Variants in ITFG1 observed in about 807,000 individuals in gnomAD.
The protein encoded by ITFG1 is T-cell immunomodulatory protein.
A neutral mutation model predicts 81.8 loss-of-function variants in ITFG1; 34 were observed. The ratio of observed to expected loss-of-function variants is 0.42; its 90% CI spans 0.32 to 0.55. The LOEUF (loss-of-function observed/expected upper bound fraction) is 0.55. Ranked by LOEUF, ITFG1 falls within the 20% of genes least tolerant of loss-of-function variation. The pLI is 0.17. For missense variants in ITFG1, 672 were observed against 755.4 expected (o/e 0.89, Z 1.29); for synonymous variants, 285 against 270.6 (o/e 1.05, Z -0.52).
chr16:47,185,810 T>C (rs1965203348), intron 14 of ITFG1, among the ~76,000 whole-genome samples: 1 of 152,142 alleles, frequency 6.6e-6, no homozygotes, highest in Non-Finnish European at 1.5e-5. Context: ...AAAAAATTAA[T>C]GAATCCAGAA....
intron 10 of ITFG1, among the ~76,000 whole-genome samples, chr16:47,310,658 T>C (rs1967243690): frequency 6.6e-6 from 1 of 152,228 alleles, no homozygotes; most frequent in African/African-American, 2.4e-5. Context: ...TGGTGGAATT[T>C]CCAGTGTCAT....
chr16:47,191,508 A>C (rs1410970254), intron 14 of ITFG1, among the ~76,000 whole-genome samples: 1 of 152,010 alleles, frequency 6.6e-6, no homozygotes, highest in Admixed American at 6.6e-5. Flanking sequence ...AAAAGATTGG[A>C]CATGCCTGTA....
chr16:47,461,046 G>A lies in ITFG1; in HGVS notation c.-1C>T, dbSNP rs1014054703. 1.5e-5 allele frequency: 23 copies of A among 1,538,178 alleles called. No homozygotes were observed. The highest frequency in any genetic ancestry group is 1.9e-5 in the Non-Finnish European group (22 of 1,144,986). On this transcript the variant is annotated 5_prime_UTR_variant, in exon 1 of 18. Transcript: ENST00000320640. Reference sequence around the variant, plus strand: ...TCGGGAGCCGGCCCGCCGCCGCCATGGCAGCCCCTCAGCCCCCGCCCGCCG... The same window carrying A: ...TCGGGAGCCGGCCCGCCGCCGCCATAGCAGCCCCTCAGCCCCCGCCCGCCG...
chr16:47,322,144 C>T (rs1321249036), intron 8 of ITFG1, among the ~76,000 whole-genome samples: 1 of 151,930 alleles, frequency 6.6e-6, no homozygotes, highest in Non-Finnish European at 1.5e-5. Context: ...AGTACTAGTG[C>T]CTTAGTGGAA....
Position 47,461,019 on chromosome 16 carries a change from G to C in ITFG1, c.27C>G (p.Ser9Arg). ...GGAGCGGCGAGAAGAGGGCCCAGGA[G>C]CTCGGGAGCCGGCCCGCCGCCGCCA... Reference protein sequence around the residue: MAAAGRLPSSWALFSPLLA... With the variant: MAAAGRLPRSWALFSPLLA... The change falls in exon 1 of 18, where the codon AGC (serine) becomes AGG (arginine). Residue 9 changes from serine (S) to arginine (R), a missense_variant. Coordinates refer to ENST00000320640, the MANE Select transcript of ITFG1 (RefSeq NM_030790.5). The C allele has an allele frequency of 1.3e-6, 2 of 1,547,338 alleles. No homozygotes were observed. Among genetic ancestry groups the C allele is most frequent in the Non-Finnish European group, 1.7e-6 (2 of 1,147,768 alleles).
intron 10 of ITFG1, among the ~76,000 whole-genome samples, chr16:47,286,640 C>CA (rs879832193): frequency 1.7e-3 from 221 of 131,450 alleles, no homozygotes; most frequent in Admixed American, 3.8e-3. Flanking sequence ...AACCCTGCCT[C>CA]AAAAAAAAAA....
At chr16:47,188,181 C>T (rs1261229211) in intron 14 of ITFG1, among the ~76,000 whole-genome samples, 3 of 150,440 alleles carry the variant, frequency 2.0e-5, no homozygotes, top group African/African-American at 7.3e-5. Context: ...TAAACTAGTT[C>T]AACCATTGTG....
At chr16:47,164,348 GA>G (rs1381410420) in intron 14 of ITFG1, among the ~76,000 whole-genome samples, 2 of 152,106 alleles carry the variant, frequency 1.3e-5, no homozygotes, top group East Asian at 3.9e-4. Context: ...TTTGTTGTAA[GA>G]TTTCCCTAAA....
intron 10 of ITFG1, among the ~76,000 whole-genome samples, chr16:47,303,450 A>T (rs763506796): frequency 6.6e-6 from 1 of 152,182 alleles, no homozygotes; most frequent in Non-Finnish European, 1.5e-5. Flanking sequence ...CACATACACA[A>T]CATTGAAAAC....
intron 5 of ITFG1, among the ~76,000 whole-genome samples, chr16:47,443,465 A>G (rs1371299761): frequency 1.3e-5 from 2 of 152,202 alleles, no homozygotes; most frequent in African/African-American, 4.8e-5. Context: ...TTATTGCGAC[A>G]CTATTCACAA....
chr16:47,238,179 C>A, intron 12 of ITFG1, 171 bp from the exon 13 acceptor site: 1 of 513,890 alleles, frequency 1.9e-6, no homozygotes, highest in Non-Finnish European at 3.5e-6. Flanking sequence ...TCACTTTATA[C>A]CAATATTTCA....
intron 10 of ITFG1, among the ~76,000 whole-genome samples, chr16:47,305,756 T>C (rs1967148137): frequency 6.6e-6 from 1 of 152,168 alleles, no homozygotes; most frequent in Non-Finnish European, 1.5e-5. Flanking sequence ...ATTTTGAATC[T>C]AGAATTCTAT....
At chr16:47,304,862 T>C (rs1967133061) in intron 10 of ITFG1, among the ~76,000 whole-genome samples, 1 of 152,188 alleles carries the variant, frequency 6.6e-6, no homozygotes, top group Admixed American at 6.5e-5. Context: ...TTGTGGCCAC[T>C]ATTCTTGTAA....
At chr16:47,229,750 T>C in intron 13 of ITFG1, among the ~76,000 whole-genome samples, 1 of 150,760 alleles carries the variant, frequency 6.6e-6, no homozygotes, top group East Asian at 1.9e-4. Flanking sequence ...TTTTGGGGGG[T>C]GGGGAACATT....
intron 6 of ITFG1, among the ~76,000 whole-genome samples, chr16:47,377,731 G>C (rs1030182476): frequency 6.6e-6 from 1 of 152,128 alleles, no homozygotes; most frequent in Admixed American, 6.5e-5. Context: ...TGTCACGGCA[G>C]TGATTACAAC....
chr16:47,223,700 C>A (rs2151528954), intron 13 of ITFG1, among the ~76,000 whole-genome samples: 1 of 152,288 alleles, frequency 6.6e-6, no homozygotes, highest in Middle Eastern at 3.4e-3. Context: ...TTTGACCCAG[C>A]CGTCCCATTA....
chr16:47,385,199 T>A (rs1397798869), intron 6 of ITFG1, among the ~76,000 whole-genome samples: 1 of 152,224 alleles, frequency 6.6e-6, no homozygotes, highest in East Asian at 1.9e-4. Flanking sequence ...TGAAATAAGT[T>A]AAAATCAAAT....
chr16:47,365,940 T>A, intron 7 of ITFG1, 71 bp from the exon 8 acceptor site: 2 of 808,602 alleles, frequency 2.5e-6, no homozygotes, highest in Non-Finnish European at 2.1e-6. Context: ...AACAAAGCAT[T>A]CTAACTGAAC....
chr16:47,453,815 G>A (rs1969417793), intron 3 of ITFG1, among the ~76,000 whole-genome samples, 198 bp downstream of exon 3: 1 of 152,172 alleles, frequency 6.6e-6, no homozygotes, highest in African/African-American at 2.4e-5. Context: ...AAGCTAGTAA[G>A]AATGAAGTTT....
Sources: allele counts gnomAD v4.1 joint callset (sites outside exome capture counted in the v4.1 genomes callset), GRCh38; gene constraint gnomAD v4.1.1; transcripts MANE v1.5; gene names NCBI Gene and HGNC (gene_info 2026-07-23, HGNC 2026-07-21).